CMSS1: variants seen among roughly 807,000 people sequenced by gnomAD.
CMSS1 encodes protein CMSS1.
CMSS1 carries 33 observed loss-of-function variants against 43.5 expected under a neutral mutation model. The ratio of observed to expected loss-of-function variants is 0.76; its 90% CI spans 0.57 to 1.01. CMSS1 has a LOEUF of 1.01. CMSS1 is among the 50% of genes least tolerant of loss of function. CMSS1 has a pLI of 0.00. For synonymous variants in CMSS1, 115 were observed against 117.2 expected (o/e 0.98, Z 0.12); for missense variants, 313 against 326.4 (o/e 0.96, Z 0.32).
intron 1 of CMSS1, chr3:100,114,928 C>G (rs1490317401): frequency 6.5e-7 from 1 of 1,531,362 alleles, no homozygotes; most frequent in African/African-American, 1.4e-5. Context: ...CTGCCTGTTC[C>G]ATTTAGTGTC....
intron 1 of CMSS1, among the ~76,000 whole-genome samples, chr3:99,906,803 G>A (rs1274075526): frequency 6.6e-6 from 1 of 152,054 alleles, no homozygotes; most frequent in Admixed American, 6.6e-5. Flanking sequence ...AGAAGAGATG[G>A]TCATCCCTAA....
rs1231193675 is a variant in CMSS1, at chr3:100,120,668, T to C, written c.65-26305T>C. On this transcript the variant is annotated intron_variant, in intron 1 of 9. Coordinates refer to ENST00000421999, the MANE Select transcript of CMSS1 (RefSeq NM_032359.4). ...GGAACTCATAGTCTAATAGGAAAGG[T>C]GGTATGAGATTCTCATTTTAATAGG... Among the ~76,000 whole-genome samples the C allele has an allele frequency of 6.0e-5, 9 of 150,754 alleles. No individual in the cohort carries two copies. The Admixed American group carries it at 6.0e-4, about 10-fold the overall frequency.
intron 1 of CMSS1, among the ~76,000 whole-genome samples, chr3:99,954,686 C>T (rs188080312): frequency 1.3e-5 from 2 of 152,000 alleles, no homozygotes; most frequent in Non-Finnish European, 2.9e-5. Context: ...ATTAGCCAAG[C>T]ATGGTGGTGC....
At chr3:100,076,207 T>A (rs563573061) in intron 1 of CMSS1, among the ~76,000 whole-genome samples, 1 of 152,352 alleles carries the variant, frequency 6.6e-6, no homozygotes, top group Admixed American at 6.5e-5. Flanking sequence ...CCTCTTTTTG[T>A]CACTGCTCAG....
chr3:99,994,916 C>T (rs774025615), intron 1 of CMSS1, among the ~76,000 whole-genome samples: 3 of 152,150 alleles, frequency 2.0e-5, no homozygotes, highest in Non-Finnish European at 4.4e-5. Flanking sequence ...TCCCACAACA[C>T]ATGGGAATTA....
intron 1 of CMSS1, among the ~76,000 whole-genome samples, chr3:99,861,879 CA>C (rs1484841042): frequency 2.6e-5 from 4 of 152,146 alleles, no homozygotes; most frequent in Non-Finnish European, 4.4e-5. Context: ...GTGACTTGAG[CA>C]AGCAATTTAA....
At chr3:100,168,880 T>TAC (rs10658783) in intron 6 of CMSS1, among the ~76,000 whole-genome samples, 146 of 149,116 alleles carry the variant, frequency 9.8e-4, no homozygotes, top group Admixed American at 5.1e-3. Context: ...TATATATATA[T>TAC]ACACACACAC....
intron 1 of CMSS1, among the ~76,000 whole-genome samples, chr3:99,890,304 C>G (rs1706042344): frequency 6.6e-6 from 1 of 152,142 alleles, no homozygotes; most frequent in South Asian, 2.1e-4. Context: ...TGATATTATA[C>G]TATTTCATTT....
intron 1 of CMSS1, among the ~76,000 whole-genome samples, chr3:99,927,112 A>G (rs1043483382): frequency 1.3e-5 from 2 of 152,194 alleles, no homozygotes. Flanking sequence ...AGTTCTTACA[A>G]TTCACCATGG....
At chr3:99,884,386 G>A (rs1021103) in intron 1 of CMSS1, among the ~76,000 whole-genome samples, 28,296 of 152,062 alleles carry the variant, frequency 0.19, 2,971 homozygotes, top group South Asian at 0.25. Flanking sequence ...TTCATGTATT[G>A]CTGATTTCTG....
intron 1 of CMSS1, chr3:99,833,092 A>C: frequency 1.4e-6 from 1 of 710,798 alleles, no homozygotes; most frequent in Middle Eastern, 2.3e-4. Context: ...CCTGGGTTTC[A>C]TCAAAGAGCA....
intron 1 of CMSS1, among the ~76,000 whole-genome samples, chr3:100,087,805 C>T (rs1324684694): frequency 1.3e-5 from 2 of 149,650 alleles, no homozygotes. Flanking sequence ...AACACAAACT[C>T]ACAAAGATTT....
At chr3:99,960,519 G>A (rs745721180) in intron 1 of CMSS1, among the ~76,000 whole-genome samples, 19 of 152,156 alleles carry the variant, frequency 1.2e-4, no homozygotes, top group South Asian at 4.1e-4. Flanking sequence ...AGATTACAGC[G>A]TGAAGTGAAA....
intron 1 of CMSS1, among the ~76,000 whole-genome samples, chr3:100,043,322 CTT>C (rs2065233998): frequency 6.6e-6 from 1 of 152,106 alleles, no homozygotes; most frequent in Non-Finnish European, 1.5e-5. Context: ...TATATTTTGT[CTT>C]TTGAAAGTCT....
chr3:99,865,236 T>C (rs1409303474), intron 1 of CMSS1, among the ~76,000 whole-genome samples: 1 of 152,154 alleles, frequency 6.6e-6, no homozygotes, highest in Non-Finnish European at 1.5e-5. Context: ...GAACTGAGGC[T>C]CAAAAAAGTT....
intron 1 of CMSS1, among the ~76,000 whole-genome samples, chr3:99,923,229 G>A (rs1707180460): frequency 6.6e-6 from 1 of 151,968 alleles, no homozygotes; most frequent in Non-Finnish European, 1.5e-5. Context: ...ATCACCTGCT[G>A]CAGGTCCATA....
intron 1 of CMSS1, among the ~76,000 whole-genome samples, chr3:100,073,471 T>C (rs1177994315): frequency 4.6e-5 from 7 of 151,968 alleles, no homozygotes; most frequent in Admixed American, 2.0e-4. Flanking sequence ...AAGACTGGGG[T>C]AGAGGAGATT....
intron 1 of CMSS1, chr3:99,931,017 G>T (rs766701827): frequency 2.4e-5 from 38 of 1,612,850 alleles, no homozygotes; most frequent in Non-Finnish European, 3.1e-5. Flanking sequence ...CCTCTGGAAC[G>T]CATTCTTTAA....
intron 1 of CMSS1, among the ~76,000 whole-genome samples, chr3:100,009,119 T>C (rs755141770): frequency 3.9e-5 from 6 of 152,286 alleles, no homozygotes; most frequent in Non-Finnish European, 8.8e-5. Flanking sequence ...ATTAGAATAT[T>C]CCCGAATGAG....
Sources: gnomAD v4.1 joint callset for allele counts (sites outside exome capture counted in the v4.1 genomes callset) on GRCh38, gnomAD v4.1.1 for gene constraint, MANE v1.5 for transcripts, NCBI Gene and HGNC (gene_info 2026-07-23, HGNC 2026-07-21) for gene names.